The following PPP1R11 variants were observed in gnomAD, a reference collection of about 807,000 sequenced individuals.
PPP1R11 encodes the protein protein phosphatase 1 regulatory inhibitor subunit 11.
PPP1R11 carries 10 observed loss-of-function variants against 11.3 expected under a neutral mutation model. The observed-to-expected ratio is 0.88, with a 90% CI of 0.55 to 1.50. PPP1R11 has a LOEUF of 1.50. Ranked by LOEUF, PPP1R11 falls within the 40% of genes most tolerant of loss-of-function variation. The pLI is 0.00. For synonymous variants in PPP1R11, 56 were observed against 62.3 expected (o/e 0.90, Z 0.48); for missense variants, 114 against 179.1 (o/e 0.64, Z 2.07).
chr6:30,061,839 C>T, upstream of PPP1R11: 1 of 1,556,938 alleles, frequency 6.4e-7, no homozygotes, highest in South Asian at 1.1e-5. This position sits in a 1 kb window ranked among gnomAD's most constrained non-coding sequence, Gnocchi z 5.0. Flanking sequence ...CTGGCCTAAC[C>T]AGCCAGGGGA....
intron 2 of PPP1R11, among the ~76,000 whole-genome samples, 192 bp from the exon 3 acceptor site, chr6:30,068,912 T>C (rs368860983): frequency 3.3e-5 from 5 of 151,758 alleles, no homozygotes; most frequent in East Asian, 3.8e-4. Flanking sequence ...GTGGGAGAAG[T>C]GGGGCTTTGA....
chr6:30,069,241 A>AC lies in PPP1R11; in HGVS notation c.321dup (p.Thr108HisfsTer8), dbSNP rs34066944. The stretch of plus-strand genomic sequence containing the variant: ...ACGGCGTCGTGCAACCCTAGGACCG[A>AC]CCCCCACCACCCCTCCCCAGCCTCC... On this transcript the variant is annotated frameshift_variant, in exon 3 of 3. Coordinates refer to ENST00000376772, the MANE Select transcript of PPP1R11 (RefSeq NM_021959.3). LOFTEE classifies it high-confidence loss of function. The surrounding 1 kb of genome is among the most constrained non-coding windows in gnomAD (Gnocchi z 6.6). The AC allele has an allele frequency of 6.2e-7, 1 of 1,608,398 alleles. No individual in the cohort carries two copies. The highest frequency in any genetic ancestry group is 8.5e-7 in the Non-Finnish European group (1 of 1,177,640).
chr6:30,068,726 C>T, intron 2 of PPP1R11, 28 bp downstream of exon 2: 1 of 1,575,658 alleles, frequency 6.3e-7, no homozygotes. Flanking sequence ...CGCAGTAGCC[C>T]TGGAGTTCTG....
In PPP1R11 at chr6:30,067,272, G is replaced by A; in HGVS notation, c.-139G>A. The stretch of plus-strand genomic sequence containing the variant: ...CAGGGGTGGAGAAGCGGAGGCCCAG[G>A]AGGAGGGGGAATAAAGAAGGTGGAG... On this transcript the variant is annotated 5_prime_UTR_variant, in exon 1 of 3. Transcript: ENST00000376772. The A allele has an allele frequency of 4.6e-6, 4 of 871,708 alleles. No individual in the cohort carries two copies. The highest frequency in any genetic ancestry group is 5.3e-6 in the Non-Finnish European group (3 of 561,560). 54.0% of individuals were successfully genotyped at this position (871,708 alleles called of 1,614,324 possible). A position where few individuals can be genotyped will look rare whatever the true frequency, so the allele number is the denominator to read the frequency against.
At chr6:30,065,988 A>T, upstream of PPP1R11, among the ~76,000 whole-genome samples, 1 of 152,170 alleles carries the variant, frequency 6.6e-6, no homozygotes, top group Non-Finnish European at 1.5e-5. This position sits in a 1 kb window ranked among gnomAD's most constrained non-coding sequence, Gnocchi z 5.3. Context: ...GGCCCTTTAT[A>T]TATATTCAGA....
upstream of PPP1R11, among the ~76,000 whole-genome samples, chr6:30,066,380 T>A (rs1285573773): frequency 6.6e-6 from 1 of 152,222 alleles, no homozygotes; most frequent in African/African-American, 2.4e-5. Flanking sequence ...GTTTTACCAC[T>A]TTCTTTTGCT....
In PPP1R11 at chr6:30,069,256, CCCCAGCCTCCTGACCCTT is replaced by C. The variant is rs1765758520; in HGVS notation, c.339_356del (p.Asp115_Pro120del). 2 of 1,611,946 alleles carry C rather than the reference CCCCAGCCTCCTGACCCTT, an allele frequency of 1.2e-6. No homozygotes were observed. The highest frequency in any genetic ancestry group is 1.7e-5 in the Admixed American group (1 of 59,958). On this transcript the variant is annotated inframe_deletion, in exon 3 of 3. Coordinates refer to ENST00000376772, the MANE Select transcript of PPP1R11 (RefSeq NM_021959.3). This position sits in a 1 kb window ranked among gnomAD's most constrained non-coding sequence, Gnocchi z 6.6. Reference sequence around the variant, plus strand: ...CCTAGGACCGACCCCCACCACCCCTCCCCAGCCTCCTGACCCTTCCCAGCCCCCTCCAGGGCCAATGCA... The same window carrying C: ...CCTAGGACCGACCCCCACCACCCCTCCCCAGCCCCCTCCAGGGCCAATGCA...
At chr6:30,065,503 TTATAAG>T (rs1765441274), upstream of PPP1R11, among the ~76,000 whole-genome samples, 1 of 152,192 alleles carries the variant, frequency 6.6e-6, no homozygotes, top group South Asian at 2.1e-4. The surrounding 1 kb of genome is among the most constrained non-coding windows in gnomAD (Gnocchi z 5.3). Flanking sequence ...ATTATATGTA[TTATAAG>T]TATATAATAC....
chr6:30,062,293 G>T (rs1765147788), upstream of PPP1R11: 3 of 1,613,008 alleles, frequency 1.9e-6, no homozygotes, highest in Non-Finnish European at 2.5e-6. Flanking sequence ...GCGTTCAGCC[G>T]ATGAAGGGCA....
upstream of PPP1R11, among the ~76,000 whole-genome samples, chr6:30,066,182 T>C (rs146677499): frequency 6.7e-3 from 1,022 of 152,296 alleles, 4 homozygotes; most frequent in Non-Finnish European, 0.011. Context: ...ATAACAGTGA[T>C]TGGATTAAGC....
chr6:30,064,945 G>T (rs551327471), upstream of PPP1R11: 35 of 382,176 alleles, frequency 9.2e-5, no homozygotes, highest in African/African-American at 7.0e-4. Context: ...TATTCCAAAA[G>T]GAATTTAAAT....
At chr6:30,062,155 G>A, upstream of PPP1R11, 24 of 1,461,096 alleles carry the variant, frequency 1.6e-5, no homozygotes, top group Non-Finnish European at 2.3e-5. Context: ...TGAGAGGCGT[G>A]ATCGCCTGAT....
the PPP1R11 span, chr6:30,061,564 C>A: frequency 1.2e-6 from 2 of 1,613,140 alleles, no homozygotes; most frequent in Non-Finnish European, 1.7e-6. This position sits in a 1 kb window ranked among gnomAD's most constrained non-coding sequence, Gnocchi z 5.0. Flanking sequence ...CTCCAGCTTT[C>A]AGTCGGACCT....
At chr6:30,062,714 C>CTTTTTTTT (rs9278555), upstream of PPP1R11, among the ~76,000 whole-genome samples, 24 of 42,388 alleles carry the variant, frequency 5.7e-4, no homozygotes, top group East Asian at 3.8e-3. Flanking sequence ...CCACGCCTGG[C>CTTTTTTTT]TTTTTTTTTT....
At chr6:30,064,736 C>A (rs745925270), upstream of PPP1R11, 5 of 1,596,696 alleles carry the variant, frequency 3.1e-6, no homozygotes, top group East Asian at 9.1e-5. Context: ...TCCCTCCTTT[C>A]GGAAGGTGAA....
chr6:30,064,551 A>G (rs1765358205), upstream of PPP1R11: 1 of 768,694 alleles, frequency 1.3e-6, no homozygotes, highest in Non-Finnish European at 2.0e-6. Flanking sequence ...TGTTTAGGGG[A>G]GCCAGTCCTC....
At chr6:30,061,420 G>A in the PPP1R11 span, 33 of 1,373,224 alleles carry the variant, frequency 2.4e-5, no homozygotes, top group African/African-American at 4.5e-4. The surrounding 1 kb of genome is among the most constrained non-coding windows in gnomAD (Gnocchi z 5.0). Context: ...GAGGGTTCGG[G>A]TTATATACTC....
chr6:30,062,902 A>G (rs1206504035), upstream of PPP1R11, among the ~76,000 whole-genome samples: 12 of 121,250 alleles, frequency 9.9e-5, no homozygotes, highest in Non-Finnish European at 2.1e-4. Context: ...GGAAATGAAG[A>G]AAAAAAAAAC....
At position 30,069,575 on chromosome 6, in the gene PPP1R11, CCAAACTGCCTGT is replaced by C. The variant is rs1765778868; in HGVS notation, c.*271_*282del. ...CAGTGTCTTCCTTTTGTTCTCACTGCCAAACTGCCTGTCCTGGGATCTAGTTATCTTGGCCCT... is the reference window on the plus strand; with the variant it reads ...CAGTGTCTTCCTTTTGTTCTCACTGCCCTGGGATCTAGTTATCTTGGCCCT... On this transcript the variant is annotated 3_prime_UTR_variant, in exon 3 of 3. Coordinates refer to ENST00000376772, the MANE Select transcript of PPP1R11 (RefSeq NM_021959.3). The surrounding 1 kb of genome is among the most constrained non-coding windows in gnomAD (Gnocchi z 6.6). 2.5e-6 allele frequency: 1 copy of C among 405,262 alleles called. No individual in the cohort carries two copies. The highest frequency in any genetic ancestry group is 4.2e-5 in the Admixed American group (1 of 23,716). The allele number at this position is 405,262 out of a possible 1,614,324, so 25.1% of individuals were successfully genotyped here. A position where few individuals can be genotyped will look rare whatever the true frequency, so the allele number is the denominator to read the frequency against.
Sources: gnomAD v4.1 joint callset for allele counts (sites outside exome capture counted in the v4.1 genomes callset) on GRCh38, gnomAD v4.1.1 for gene constraint, Gnocchi (gnomAD v3.1) non-coding constraint, MANE v1.5 for transcripts, NCBI Gene and HGNC (gene_info 2026-07-23, HGNC 2026-07-21) for gene names.